The following DOCK4 variants were observed in gnomAD, a reference collection of about 807,000 sequenced individuals.
DOCK4 encodes dedicator of cytokinesis protein 4.
DOCK4 carries 97 observed loss-of-function variants against 268.1 expected under a neutral mutation model. The observed-to-expected ratio is 0.36, with a 90% CI of 0.31 to 0.43. DOCK4 has a LOEUF of 0.43. DOCK4 is among the 20% of genes least tolerant of loss of function. DOCK4 has a pLI of 1.00. For missense variants in DOCK4, 2,145 were observed against 2,455.7 expected (o/e 0.87, Z 2.67); for synonymous variants, 954 against 887.2 (o/e 1.08, Z -1.34).
chr7:111,834,504 C>T lies in DOCK4; in HGVS notation c.2835+84G>A, dbSNP rs1015254749. The T allele has an allele frequency of 7.5e-6, 8 of 1,069,378 alleles. No individual in the cohort carries two copies. In the Admixed American group the frequency reaches 1.0e-4, roughly 14 times the overall value. 66.2% of individuals were successfully genotyped at this position (1,069,378 alleles called of 1,614,324 possible). A position where few individuals can be genotyped will look rare whatever the true frequency, so the allele number is the denominator to read the frequency against. Reference sequence around the variant, plus strand: ...TAATGGAAACAGGTAAAGCAATTGTCTAGGATTTATCTCAACAGTGATGAA... The same window carrying T: ...TAATGGAAACAGGTAAAGCAATTGTTTAGGATTTATCTCAACAGTGATGAA... On this transcript the variant is annotated intron_variant, in intron 26 of 52. Transcript: ENST00000428084.
chr7:111,914,226 G>A (rs1586354701), intron 13 of DOCK4, among the ~76,000 whole-genome samples: 1 of 152,212 alleles, frequency 6.6e-6, no homozygotes, highest in East Asian at 1.9e-4. Flanking sequence ...CATCTCCACT[G>A]CTAACACCTT....
intron 25 of DOCK4, among the ~76,000 whole-genome samples, chr7:111,835,096 G>T (rs1002357197): frequency 6.6e-6 from 1 of 152,064 alleles, no homozygotes; most frequent in Non-Finnish European, 1.5e-5. Context: ...ATACCTTTTT[G>T]AAGAAGGTAA....
At chr7:111,763,698 T>C (rs896336844) in intron 39 of DOCK4, among the ~76,000 whole-genome samples, 4 of 151,746 alleles carry the variant, frequency 2.6e-5, no homozygotes, top group Non-Finnish European at 5.9e-5. Flanking sequence ...TGCTGCGCAA[T>C]CCCCAGCCAT....
chr7:111,799,821 A>T (rs1308556114), intron 30 of DOCK4, among the ~76,000 whole-genome samples: 1 of 152,222 alleles, frequency 6.6e-6, no homozygotes, highest in African/African-American at 2.4e-5. Flanking sequence ...CCCACAAAGA[A>T]GATTACATCT....
rs1449992075 is a variant in DOCK4 at position 111,895,592 on chromosome 7, C to T, written c.1587+20G>A. On this transcript the variant is annotated intron_variant, in intron 16 of 52. Coordinates refer to ENST00000428084, the MANE Select transcript of DOCK4 (RefSeq NM_001363540.2). ...AGCACTGTTTTTTACTGCCCATCGC[C>T]ACCATCTGACTGATGTTACCTTATG... The T allele has an allele frequency of 2.5e-6, 4 of 1,608,186 alleles. No individual in the cohort carries two copies. Among genetic ancestry groups the T allele is most frequent in the Non-Finnish European group, 2.6e-6 (3 of 1,174,738 alleles).
intron 24 of DOCK4, 35 bp from the exon 25 acceptor site, chr7:111,844,932 G>A (rs199697268): frequency 4.0e-5 from 64 of 1,585,130 alleles, no homozygotes; most frequent in Admixed American, 5.3e-5. Flanking sequence ...TCAGGAAACT[G>A]GGGTTTAACA....
In DOCK4 at chr7:111,739,141, G is replaced by C. The variant is rs777190065; in HGVS notation, c.5225C>G (p.Pro1742Arg). The change falls in exon 49 of 53, where the codon CCT (proline) becomes CGT (arginine). Residue 1742 changes from proline to arginine, a missense_variant. Physicochemically the swap from Pro to Arg is moderately radical, Grantham distance 103. This residue lies in a region of DOCK4 where 547 missense variants were observed against 469.0 expected (regional missense o/e 1.17). Transcript: ENST00000428084. Reference protein sequence around the residue: ...CSAIYPTPVEPSQRMLFNHIG... With the variant: ...CSAIYPTPVERSQRMLFNHIG... ...CTACCCTACAAGGAGTACCTGCGAAGGCTCCACAGGTGTTGGATAGATGGC... is the reference window on the plus strand; with the variant it reads ...CTACCCTACAAGGAGTACCTGCGAACGCTCCACAGGTGTTGGATAGATGGC... 6.2e-7 allele frequency: 1 copy of C among 1,612,946 alleles called. No individual in the cohort carries two copies. The highest frequency in any genetic ancestry group is 8.5e-7 in the Non-Finnish European group (1 of 1,179,080).
At chr7:111,756,313 C>T (rs149092154) in intron 41 of DOCK4, among the ~76,000 whole-genome samples, 7,732 of 152,228 alleles carry the variant, frequency 0.051, 251 homozygotes, top group Middle Eastern at 0.071. Context: ...CGCCCCACTG[C>T]ACTCCAGCCT....
At chr7:112,002,383 C>T (rs966694984) in intron 2 of DOCK4, among the ~76,000 whole-genome samples, 6 of 152,146 alleles carry the variant, frequency 3.9e-5, no homozygotes, top group Non-Finnish European at 7.3e-5. Context: ...TCTTAGATTA[C>T]AAAACACCTC....
intron 12 of DOCK4, among the ~76,000 whole-genome samples, chr7:111,925,969 C>T (rs1057503065): frequency 4.1e-5 from 6 of 146,844 alleles, no homozygotes; most frequent in African/African-American, 1.6e-4. Flanking sequence ...TGGCGTGTCG[C>T]CTGTAGTTCC....
intron 1 of DOCK4, among the ~76,000 whole-genome samples, chr7:112,109,704 A>C (rs1051097619): frequency 1.3e-5 from 2 of 151,302 alleles, no homozygotes; most frequent in Non-Finnish European, 2.9e-5. Flanking sequence ...GTCCATTTCT[A>C]TATATAGCAC....
intron 23 of DOCK4, among the ~76,000 whole-genome samples, chr7:111,853,779 G>T (rs991858249): frequency 6.6e-6 from 1 of 152,186 alleles, no homozygotes; most frequent in East Asian, 1.9e-4. Context: ...TGGTAGTTAC[G>T]CCACCTCCTG....
At chr7:112,161,296 G>A (rs1177637317) in intron 1 of DOCK4, among the ~76,000 whole-genome samples, 1 of 152,186 alleles carries the variant, frequency 6.6e-6, no homozygotes, top group Admixed American at 6.5e-5. Flanking sequence ...TGAATAGGAT[G>A]TATGCCCATT....
At chr7:112,092,739 G>A (rs778505188) in intron 1 of DOCK4, among the ~76,000 whole-genome samples, 11 of 152,224 alleles carry the variant, frequency 7.2e-5, no homozygotes, top group South Asian at 6.2e-4. Context: ...TAACATGCCC[G>A]ACAGGCAGCA....
intron 16 of DOCK4, among the ~76,000 whole-genome samples, chr7:111,891,290 A>T (rs767472478): frequency 6.6e-6 from 1 of 152,202 alleles, no homozygotes; most frequent in South Asian, 2.1e-4. Flanking sequence ...ATATCATTCC[A>T]AGCATCTCTG....
chr7:111,999,630 G>T (rs572642800), intron 3 of DOCK4, among the ~76,000 whole-genome samples: 49 of 151,974 alleles, frequency 3.2e-4, no homozygotes, highest in Non-Finnish European at 5.7e-4. Flanking sequence ...GTCCCTTACC[G>T]TTCCCCTTTA....
In DOCK4 at chr7:111,732,295, T is replaced by G. The variant is rs1282212496; in HGVS notation, c.5420-8A>C. 6.2e-7 allele frequency: 1 copy of G among 1,613,822 alleles called. No homozygotes were observed. On this transcript the variant is annotated splice_region_variant and splice_polypyrimidine_tract_variant and intron_variant, in intron 51 of 52. Transcript: ENST00000428084. ...TGTGTCTTGCTGGTGAAGCTGTCAA[T>G]GGGGAGAGAGATAACATTTCAATTA...
At chr7:111,872,394 T>C in intron 18 of DOCK4, 42 bp from the exon 19 acceptor site, 1 of 1,524,294 alleles carries the variant, frequency 6.6e-7, no homozygotes, top group Non-Finnish European at 8.9e-7. Flanking sequence ...TAAGATACTA[T>C]CTGTCTTTTT....
intron 1 of DOCK4, among the ~76,000 whole-genome samples, chr7:112,188,151 T>C (rs1819627954): frequency 6.6e-6 from 1 of 152,208 alleles, no homozygotes; most frequent in African/African-American, 2.4e-5. Context: ...TAACACATAA[T>C]GCTGCAAACA....
Sources: gnomAD v4.1 joint callset for allele counts (sites outside exome capture counted in the v4.1 genomes callset) on GRCh38, gnomAD v4.1.1 for gene constraint, gnomAD v4.1.1 regional missense constraint, MANE v1.5 for transcripts, NCBI Gene and HGNC (gene_info 2026-07-23, HGNC 2026-07-21) for gene names.